TCAF1: variants seen among roughly 807,000 people sequenced by gnomAD.
The protein encoded by TCAF1 is TRPM8 channel-associated factor 1.
In TCAF1, 4 loss-of-function variants were observed where a neutral mutation model predicts 27.3. The observed-to-expected ratio is 0.15, with a 90% CI of 0.07 to 0.34. The LOEUF (loss-of-function observed/expected upper bound fraction) is 0.34, where lower values mean the gene tolerates loss of function less well. Ranked by LOEUF, TCAF1 falls within the 10% of genes least tolerant of loss-of-function variation. The pLI is 1.00. For synonymous variants in TCAF1, 105 were observed against 167.1 expected (o/e 0.63, Z 2.87); for missense variants, 257 against 425.8 (o/e 0.60, Z 3.49).
intron 2 of TCAF1, 149 bp downstream of exon 2, chr7:143,875,840 G>C: frequency 1.6e-6 from 1 of 625,858 alleles, no homozygotes; most frequent in Non-Finnish European, 2.6e-6. Flanking sequence ...CTATGTCTCA[G>C]GGCATTTAAA....
At position 143,857,182 on chromosome 7, in the gene TCAF1, TG is replaced by T; in HGVS notation, c.2673del (p.Ile892SerfsTer20). ...AGGCTGGTAGCCACTTCCTTCTGGATGGGCCAGGCCCAGGCCTCAAAGAACG... is the reference window on the plus strand; with the variant it reads ...AGGCTGGTAGCCACTTCCTTCTGGATGGCCAGGCCCAGGCCTCAAAGAACG... Reference protein sequence around the residue: ...LAPFFEAWAWPIQKEVATSLA... With the variant: ...LAPFFEAWAWXIQKEVATSLA... On this transcript the variant is annotated frameshift_variant, in exon 8 of 9. Transcript: ENST00000479870. LOFTEE classifies it high-confidence loss of function. 1 of 754,230 alleles carries T rather than the reference TG, an allele frequency of 1.3e-6. No individual in the cohort carries two copies. Among genetic ancestry groups the T allele is most frequent in the Non-Finnish European group, 2.2e-6 (1 of 456,574 alleles). The allele number at this position is 754,230 out of a possible 1,614,324, so 46.7% of individuals were successfully genotyped here.
At chr7:143,881,177 G>T (rs185497001) in intron 1 of TCAF1, among the ~76,000 whole-genome samples, 121 of 152,266 alleles carry the variant, frequency 7.9e-4, no homozygotes, top group Non-Finnish European at 1.5e-3. Context: ...CCCATATCCC[G>T]TATGGTAGTG....
Position 143,852,164 on chromosome 7 carries a change from G to C in TCAF1, c.*1969C>G, listed in dbSNP as rs1341103517. ...TCAAAATCATGCCTCATTTTATTTTGCTCTATAATTGGACCTGAATTTTTT... is the reference window on the plus strand; with the variant it reads ...TCAAAATCATGCCTCATTTTATTTTCCTCTATAATTGGACCTGAATTTTTT... On this transcript the variant is annotated 3_prime_UTR_variant, in exon 9 of 9. Coordinates refer to ENST00000479870, the MANE Select transcript of TCAF1 (RefSeq NM_014719.3). 2 of 151,354 alleles carry C rather than the reference G, an allele frequency of 1.3e-5. No individual in the cohort carries two copies. The highest frequency in any genetic ancestry group is 2.9e-5 in the Non-Finnish European group (2 of 67,888). The allele number at this position is 151,354 out of a possible 1,614,324, so 9.4% of individuals were successfully genotyped here.
chr7:143,900,444 C>T (rs1814065946), intron 1 of TCAF1, among the ~76,000 whole-genome samples: 1 of 152,072 alleles, frequency 6.6e-6, no homozygotes. Flanking sequence ...TGGCAAAGAA[C>T]TGATGTGTAC....
At chr7:143,876,826 A>T (rs558595287) in intron 1 of TCAF1, among the ~76,000 whole-genome samples, 13 of 152,198 alleles carry the variant, frequency 8.5e-5, no homozygotes, top group Non-Finnish European at 1.6e-4. Context: ...TCTGCAGTCA[A>T]ACTTAGAGAG....
chr7:143,901,744 C>G (rs1814123425), intron 1 of TCAF1, among the ~76,000 whole-genome samples: 1 of 152,168 alleles, frequency 6.6e-6, no homozygotes, highest in Non-Finnish European at 1.5e-5. Context: ...GGGGGGTCAT[C>G]GCCTCCTGCC....
intron 2 of TCAF1, 148 bp downstream of exon 2, chr7:143,875,841 G>C (rs1318968797): frequency 8.0e-6 from 5 of 627,826 alleles, no homozygotes; most frequent in African/African-American, 1.8e-5. Flanking sequence ...TATGTCTCAG[G>C]GCATTTAAAA....
intron 1 of TCAF1, chr7:143,882,063 CT>C (rs1813059118): frequency 6.6e-6 from 1 of 152,228 alleles, no homozygotes; most frequent in South Asian, 2.1e-4. Flanking sequence ...TCTGGCGGGG[CT>C]CCACTCTCTT....
chr7:143,894,528 A>G (rs904199656), intron 1 of TCAF1, among the ~76,000 whole-genome samples: 2 of 151,874 alleles, frequency 1.3e-5, no homozygotes, highest in African/African-American at 2.4e-5. Context: ...ATAAAAACCA[A>G]TGAACCCTTA....
intron 1 of TCAF1, among the ~76,000 whole-genome samples, chr7:143,897,166 A>G (rs1446034638): frequency 8.9e-6 from 1 of 112,940 alleles, no homozygotes; most frequent in African/African-American, 3.1e-5. Context: ...ATATATATAT[A>G]TATATATATA....
rs920288031 is a variant in TCAF1 at position 143,882,381 on chromosome 7, C to G, written c.-14-5759G>C. On this transcript the variant is annotated intron_variant, in intron 1 of 8. Transcript: ENST00000479870. ...TGCTCAAGCCCCGGGCCTTCTCATC[C>G]GACAAAGCAGCGGATTAGACGCGGT... The G allele has an allele frequency of 7.1e-6, 7 of 985,210 alleles. No individual in the cohort carries two copies. The South Asian group carries it at 2.3e-4, about 33-fold the overall frequency. 61.0% of individuals were successfully genotyped at this position (985,210 alleles called of 1,614,324 possible).
At chr7:143,875,176 G>A (rs2116767476) in intron 2 of TCAF1, among the ~76,000 whole-genome samples, 1 of 152,296 alleles carries the variant, frequency 6.6e-6, no homozygotes, top group South Asian at 2.1e-4. Flanking sequence ...TATCAGTGTT[G>A]TTTGTTCTGA....
At chr7:143,900,478 G>T (rs1214033434) in intron 1 of TCAF1, among the ~76,000 whole-genome samples, 2 of 151,980 alleles carry the variant, frequency 1.3e-5, no homozygotes, top group Non-Finnish European at 2.9e-5. Context: ...GAGGCCAATC[G>T]GCCTGCCAGC....
intron 1 of TCAF1, among the ~76,000 whole-genome samples, chr7:143,887,355 T>C (rs1042211074): frequency 1.3e-5 from 2 of 152,220 alleles, no homozygotes; most frequent in African/African-American, 4.8e-5. Flanking sequence ...AGTATGATCC[T>C]ACTTTTTGCA....
chr7:143,875,817 G>A lies in TCAF1; in HGVS notation c.620+172C>T, dbSNP rs143875396. On this transcript the variant is annotated intron_variant, in intron 2 of 8. Coordinates refer to ENST00000479870, the MANE Select transcript of TCAF1 (RefSeq NM_014719.3). Reference sequence around the variant, plus strand: ...GGTTTGGGAAGACAGGGGCAGTGAGGACCTTGCCCCTCCTATGTCTCAGGG... The same window carrying A: ...GGTTTGGGAAGACAGGGGCAGTGAGAACCTTGCCCCTCCTATGTCTCAGGG... 1.1e-4 allele frequency among the ~76,000 whole-genome samples: 16 copies of A among 152,230 alleles called. No individual in the cohort carries two copies. The East Asian group carries it at 3.1e-3, about 29-fold the overall frequency.
At chr7:143,889,749 A>G (rs1477719226) in intron 1 of TCAF1, among the ~76,000 whole-genome samples, 3 of 152,236 alleles carry the variant, frequency 2.0e-5, no homozygotes, top group Non-Finnish European at 4.4e-5. Context: ...CCAAAGAATG[A>G]TAACATTTGC....
intron 1 of TCAF1, chr7:143,885,502 G>T: frequency 1.0e-6 from 1 of 985,428 alleles, no homozygotes; most frequent in Non-Finnish European, 1.2e-6. Context: ...ATCCGGGATG[G>T]AGACCCAGAC....
chr7:143,898,589 A>G (rs942796854), intron 1 of TCAF1, among the ~76,000 whole-genome samples: 1 of 152,222 alleles, frequency 6.6e-6, no homozygotes, highest in Non-Finnish European at 1.5e-5. Flanking sequence ...AATGCTTACA[A>G]TAGCAGTAAA....
intron 1 of TCAF1, among the ~76,000 whole-genome samples, chr7:143,884,735 T>A (rs1813301002): frequency 6.7e-6 from 1 of 148,328 alleles, no homozygotes; most frequent in Non-Finnish European, 1.5e-5. Context: ...AAGTGTTTTA[T>A]TTCTTAGAAA....
Sources: gnomAD v4.1 joint callset for allele counts (sites outside exome capture counted in the v4.1 genomes callset) on GRCh38, gnomAD v4.1.1 for gene constraint, MANE v1.5 for transcripts, NCBI Gene and HGNC (gene_info 2026-07-23, HGNC 2026-07-21) for gene names.